Variants in FARS2 observed in about 807,000 individuals in gnomAD.
FARS2 encodes phenylalanyl-tRNA synthetase 2, mitochondrial.
FARS2 carries 40 observed loss-of-function variants against 46.4 expected under a neutral mutation model. That is an observed-to-expected ratio of 0.86 (90% CI 0.67 to 1.12). The LOEUF is 1.12. Ranked by LOEUF, FARS2 falls within the 50% of genes most tolerant of loss-of-function variation. The probability of loss-of-function intolerance (pLI) is 0.00; values close to 1 mark genes in which losing one functional copy is unlikely to be tolerated. For synonymous variants in FARS2, 234 were observed against 214.9 expected, an observed-to-expected ratio of 1.09 and a Z score of -0.78; for missense variants, 513 against 567.9, an observed-to-expected ratio of 0.90 and a Z score of 0.98.
intron 6 of FARS2, among the ~76,000 whole-genome samples, chr6:5,623,594 C>T (rs1775881770): frequency 6.6e-6 from 1 of 152,068 alleles, no homozygotes; most frequent in Non-Finnish European, 1.5e-5. Flanking sequence ...CGCCTGTAAT[C>T]CCAGCTACTC....
intron 4 of FARS2, among the ~76,000 whole-genome samples, chr6:5,503,002 A>G (rs1043073031): frequency 1.3e-5 from 2 of 152,124 alleles, no homozygotes; most frequent in Admixed American, 6.6e-5. Context: ...TTGTAAATCC[A>G]TTCAAAAAGC....
intron 4 of FARS2, among the ~76,000 whole-genome samples, chr6:5,464,642 C>T (rs1252236964): frequency 6.6e-6 from 1 of 152,174 alleles, no homozygotes; most frequent in Non-Finnish European, 1.5e-5. Context: ...TTTCCTCTTT[C>T]ATTTATAAGC....
chr6:5,651,307 T>G (rs1311515755), intron 6 of FARS2, among the ~76,000 whole-genome samples: 1 of 152,172 alleles, frequency 6.6e-6, no homozygotes, highest in Non-Finnish European at 1.5e-5. Flanking sequence ...CCTCTTGAAG[T>G]AGGGCTAACA....
At chr6:5,539,380 T>TTTTG (rs1554106762) in intron 4 of FARS2, among the ~76,000 whole-genome samples, 1,021 of 79,146 alleles carry the variant, frequency 0.013, 44 homozygotes, top group East Asian at 0.086. Flanking sequence ...CTAATTTTTT[T>TTTTG]TGTGTATATA....
chr6:5,497,619 A>G (rs1767550407), intron 4 of FARS2, among the ~76,000 whole-genome samples: 1 of 152,258 alleles, frequency 6.6e-6, no homozygotes, highest in African/African-American at 2.4e-5. Flanking sequence ...TATCATGGTA[A>G]ATAAGATATT....
At chr6:5,393,982 G>A (rs762593132) in intron 2 of FARS2, among the ~76,000 whole-genome samples, 2 of 152,234 alleles carry the variant, frequency 1.3e-5, no homozygotes, top group Admixed American at 6.5e-5. Context: ...ACATTGGACC[G>A]AAGCTTAAGG....
intron 6 of FARS2, among the ~76,000 whole-genome samples, chr6:5,680,268 A>G (rs1778966617): frequency 6.6e-6 from 1 of 152,186 alleles, no homozygotes; most frequent in Non-Finnish European, 1.5e-5. Context: ...TGAGACACAT[A>G]ACCAGGAAAA....
At chr6:5,711,813 A>G (rs556698136) in intron 6 of FARS2, among the ~76,000 whole-genome samples, 2 of 152,072 alleles carry the variant, frequency 1.3e-5, no homozygotes, top group African/African-American at 4.8e-5. Flanking sequence ...CAGGAAGAGG[A>G]CAGCAGGGGA....
chr6:5,320,306 G>T (rs953905860), intron 1 of FARS2, among the ~76,000 whole-genome samples: 1 of 152,220 alleles, frequency 6.6e-6, no homozygotes, highest in Non-Finnish European at 1.5e-5. Context: ...ACACAAGCTA[G>T]AAGCAGCTGG....
At chr6:5,551,949 T>G (rs1042941783) in intron 5 of FARS2, among the ~76,000 whole-genome samples, 5 of 152,226 alleles carry the variant, frequency 3.3e-5, no homozygotes, top group Admixed American at 2.0e-4. Context: ...CTGAACATCC[T>G]TCCTTAATTA....
Position 5,427,045 on chromosome 6 carries a change from AGT to A in FARS2, c.773-3993_773-3992del, listed in dbSNP as rs542099394. 3.9e-3 allele frequency among the ~76,000 whole-genome samples: 588 copies of A among 152,354 alleles called. 2 individuals are homozygous for A. Among genetic ancestry groups the A allele is most frequent in the African/African-American group, 0.014 (566 of 41,588 alleles). ...CTATTTATGTTTGAAGTAGAGACAC[AGT>A]GTACTCAAAAATAGTGCTTTGCAAA... On this transcript the variant is annotated intron_variant, in intron 3 of 6. Coordinates refer to ENST00000274680, the MANE Select transcript of FARS2 (RefSeq NM_006567.5).
intron 5 of FARS2, among the ~76,000 whole-genome samples, chr6:5,584,136 C>CACACACACACACACACACACAT (rs1773488239): frequency 6.6e-6 from 1 of 151,490 alleles, no homozygotes; most frequent in Non-Finnish European, 1.5e-5. Context: ...CACACACACA[C>CACACACACACACACACACACAT]ACACACTCCT....
chr6:5,260,543 A>G, upstream of FARS2: 2 of 1,456,714 alleles, frequency 1.4e-6, no homozygotes, highest in Non-Finnish European at 1.8e-6. Flanking sequence ...AGCCGCCGGC[A>G]AACCACGGTG....
intron 2 of FARS2, among the ~76,000 whole-genome samples, chr6:5,373,027 A>G (rs948424998): frequency 2.0e-5 from 3 of 152,182 alleles, no homozygotes; most frequent in Non-Finnish European, 4.4e-5. Context: ...GACAACATCT[A>G]CAACACAATT....
chr6:5,617,509 T>C (rs1413040598), intron 6 of FARS2, among the ~76,000 whole-genome samples: 1 of 152,246 alleles, frequency 6.6e-6, no homozygotes, highest in Non-Finnish European at 1.5e-5. Flanking sequence ...ATGCCATTGT[T>C]GTAATAACAA....
intron 6 of FARS2, among the ~76,000 whole-genome samples, chr6:5,739,636 T>C (rs1761193342): frequency 6.6e-6 from 1 of 152,202 alleles, no homozygotes; most frequent in Admixed American, 6.5e-5. Flanking sequence ...CTAGCAGCGA[T>C]CACTTTGCTT....
In FARS2 at chr6:5,262,762, T is replaced by C. The variant is rs545581995; in HGVS notation, c.-22+1102T>C. Among the ~76,000 whole-genome samples, 25 of 152,362 alleles carry C rather than the reference T, an allele frequency of 1.6e-4. No homozygotes were observed. The South Asian group carries it at 5.0e-3, about 30-fold the overall frequency. On this transcript the variant is annotated intron_variant, in intron 1 of 6. Transcript: ENST00000274680. ...ATATCTTTAAGTCTCCTCCCTGATT[T>C]CTTGAAAATCTCATGTCTGTTATTG...
At chr6:5,313,149 T>C (rs556518541) in intron 1 of FARS2, among the ~76,000 whole-genome samples, 8 of 152,316 alleles carry the variant, frequency 5.3e-5, no homozygotes, top group Non-Finnish European at 1.2e-4. Context: ...TAGTGGTTCA[T>C]TGAAAGATTA....
At chr6:5,752,986 C>T (rs1762032573) in intron 6 of FARS2, among the ~76,000 whole-genome samples, 1 of 152,118 alleles carries the variant, frequency 6.6e-6, no homozygotes, top group Non-Finnish European at 1.5e-5. Flanking sequence ...AAGTCATGAC[C>T]CTCCCAGCTC....
Sources: gnomAD v4.1 joint callset for allele counts (sites outside exome capture counted in the v4.1 genomes callset) on GRCh38, gnomAD v4.1.1 for gene constraint, MANE v1.5 for transcripts, NCBI Gene and HGNC (gene_info 2026-07-23, HGNC 2026-07-21) for gene names.